Variants in SERPING1 observed in about 807,000 individuals in gnomAD.
SERPING1 encodes the protein serpin family G member 1, also known as plasma protease C1 inhibitor.
In SERPING1, 5 loss-of-function variants were observed where a neutral mutation model predicts 34.1. That is an observed-to-expected ratio of 0.15 (90% CI 0.08 to 0.31). The LOEUF (loss-of-function observed/expected upper bound fraction) is 0.31. SERPING1 is among the 10% of genes least tolerant of loss of function. The pLI is 1.00. For synonymous variants in SERPING1, 225 were observed against 242.4 expected (o/e 0.93, Z 0.67); for missense variants, 505 against 609.5 (o/e 0.83, Z 1.81).
At chr11:57,597,960 T>G in intron 1 of SERPING1, 1 of 446,138 alleles carries the variant, frequency 2.2e-6, no homozygotes, top group Non-Finnish European at 4.1e-6. Context: ...ATTGTTTGGT[T>G]AAAGCAGGAC....
chr11:57,600,635 G>A (rs530167090), intron 3 of SERPING1, among the ~76,000 whole-genome samples: 1 of 152,310 alleles, frequency 6.6e-6, no homozygotes, highest in South Asian at 2.1e-4. Context: ...CACTAACCAT[G>A]TTTCATGGCA....
Position 57,598,238 on chromosome 11 carries a change from T to A in SERPING1, c.-22-11T>A. 6.5e-7 allele frequency: 1 copy of A among 1,541,258 alleles called. No individual in the cohort carries two copies. The highest frequency in any genetic ancestry group is 8.8e-7 in the Non-Finnish European group (1 of 1,140,292). On this transcript the variant is annotated splice_polypyrimidine_tract_variant and intron_variant, in intron 1 of 7. Coordinates refer to ENST00000278407, the MANE Select transcript of SERPING1 (RefSeq NM_000062.3). ...GGTGGGAGCTGGCTCCGAGGCTGGCTGGCTCCGCAGGTCCGCTGACGTCGC... is the reference window on the plus strand; with the variant it reads ...GGTGGGAGCTGGCTCCGAGGCTGGCAGGCTCCGCAGGTCCGCTGACGTCGC...
Position 57,614,323 on chromosome 11 carries a change from C to T in SERPING1, c.1250-5C>T. The T allele has an allele frequency of 3.7e-6, 6 of 1,613,304 alleles. No individual in the cohort carries two copies. Among genetic ancestry groups the T allele is most frequent in the Non-Finnish European group, 5.1e-6 (6 of 1,180,018 alleles). Reference sequence around the variant, plus strand: ...TGACTCTGTTTTTCTCTGGTTTTGCCCTAGAATTCTTCGATTTTTCTTATG... The same window carrying T: ...TGACTCTGTTTTTCTCTGGTTTTGCTCTAGAATTCTTCGATTTTTCTTATG... On this transcript the variant is annotated splice_polypyrimidine_tract_variant and splice_region_variant and intron_variant, in intron 7 of 7. Coordinates refer to ENST00000278407, the MANE Select transcript of SERPING1 (RefSeq NM_000062.3).
intron 2 of SERPING1, among the ~76,000 whole-genome samples, chr11:57,598,826 G>A (rs1945316004): frequency 6.6e-6 from 1 of 152,136 alleles, no homozygotes. Context: ...CTGGGTGGGG[G>A]TCAATAGCAG....
rs76687969 is a variant in SERPING1, at chr11:57,609,582, A to G, written c.1030-2135A>G. 1.6e-4 allele frequency among the ~76,000 whole-genome samples: 23 copies of G among 148,198 alleles called. No individual in the cohort carries two copies. The East Asian group carries it at 3.0e-3, about 19-fold the overall frequency. On this transcript the variant is annotated intron_variant, in intron 6 of 7. Transcript: ENST00000278407. Reference sequence around the variant, plus strand: ...GCGACAGAGTGAGACCTTGTCTCAGAAAAAAAAAAATAGGGTGATTTTTAT... The same window carrying G: ...GCGACAGAGTGAGACCTTGTCTCAGGAAAAAAAAAATAGGGTGATTTTTAT...
At chr11:57,606,846 C>G (rs1279107283) in intron 6 of SERPING1, 1 of 619,034 alleles carries the variant, frequency 1.6e-6, no homozygotes, top group Non-Finnish European at 3.0e-6. Context: ...TTCCAGTCAA[C>G]TCATCAGAAG....
In SERPING1 at chr11:57,614,748, A is replaced by T; in HGVS notation, c.*167A>T. On this transcript the variant is annotated 3_prime_UTR_variant, in exon 8 of 8. Transcript: ENST00000278407. Reference sequence around the variant, plus strand: ...TCTGGGCAAGGGACCTGCTTCTATTAGCCCTTCTCCATGGCCCTGCCATGC... The same window carrying T: ...TCTGGGCAAGGGACCTGCTTCTATTTGCCCTTCTCCATGGCCCTGCCATGC... 1 of 740,058 alleles carries T rather than the reference A, an allele frequency of 1.4e-6. No individual in the cohort carries two copies. Among genetic ancestry groups the T allele is most frequent in the East Asian group, 2.7e-5 (1 of 36,928 alleles). The allele number at this position is 740,058 out of a possible 1,614,324, so 45.8% of individuals were successfully genotyped here.
At chr11:57,604,684 T>G (rs1479668758) in intron 4 of SERPING1, among the ~76,000 whole-genome samples, 1 of 152,146 alleles carries the variant, frequency 6.6e-6, no homozygotes, top group Non-Finnish European at 1.5e-5. Flanking sequence ...TTAAGCTGTT[T>G]TTTTTGTTTT....
At position 57,598,338 on chromosome 11, in the gene SERPING1, G is replaced by A; in HGVS notation, c.51+17G>A. The A allele has an allele frequency of 6.4e-7, 1 of 1,554,764 alleles. No homozygotes were observed. Among genetic ancestry groups the A allele is most frequent in the Non-Finnish European group, 8.7e-7 (1 of 1,152,414 alleles). On this transcript the variant is annotated intron_variant, in intron 2 of 7. Coordinates refer to ENST00000278407, the MANE Select transcript of SERPING1 (RefSeq NM_000062.3). Reference sequence around the variant, plus strand: ...CTGGCTGGGGTATGTGGTCCCTTGTGGGATGGGGGACGGGGGTGGAGACGG... The same window carrying A: ...CTGGCTGGGGTATGTGGTCCCTTGTAGGATGGGGGACGGGGGTGGAGACGG...
rs1342831518 is a variant in SERPING1 at position 57,614,453 on chromosome 11, G to A, written c.1375G>A (p.Ala459Thr). The A allele has an allele frequency of 1.9e-6, 3 of 1,614,102 alleles. No individual in the cohort carries two copies. In the South Asian group the frequency reaches 3.3e-5, roughly 18 times the overall value. The change falls in exon 8 of 8, where the codon GCC becomes ACC. Residue 459 changes from alanine to threonine, a missense_variant. By Grantham distance (58) the Ala-to-Thr change is moderately conservative (BLOSUM62 0). Transcript: ENST00000278407. ...AGAGACTGGGGTGGAGGCGGCTGCA[G>A]CCTCCGCCATCTCTGTGGCCCGCAC... Reference protein sequence around the residue: ...LTETGVEAAAASAISVARTLL... With the variant: ...LTETGVEAAATSAISVARTLL...
chr11:57,602,245 A>G, intron 4 of SERPING1, 76 bp downstream of exon 4: 1 of 1,553,068 alleles, frequency 6.4e-7, no homozygotes. Context: ...AGCGCTGGGG[A>G]AAGAAAGGAC....
At chr11:57,602,306 A>C (rs1193590961) in intron 4 of SERPING1, 137 bp downstream of exon 4, 2 of 984,178 alleles carry the variant, frequency 2.0e-6, no homozygotes, top group African/African-American at 3.2e-5. Context: ...GAGCAGGTGA[A>C]GACCTTGGCA....
Position 57,606,429 on chromosome 11 carries a change from A to T in SERPING1, c.911A>T (p.Asp304Val). ...YLSAKWKTTF[D>V]PKKTRMEPFH... ...CTAGCCAAGTGGAAGACAACATTTG[A>T]TCCCAAGAAAACCAGAATGGAACCC... The change falls in exon 6 of 8, where the codon GAT (aspartate) becomes GTT (valine). Residue 304 changes from aspartate (D) to valine (V), a missense_variant. Physicochemically the swap from Asp to Val is radical, Grantham distance 152. Transcript: ENST00000278407. 6.2e-7 allele frequency: 1 copy of T among 1,614,158 alleles called. No homozygotes were observed. The highest frequency in any genetic ancestry group is 8.5e-7 in the Non-Finnish European group (1 of 1,180,040).
Position 57,606,473 on chromosome 11 carries a change from G to A in SERPING1, c.955G>A (p.Val319Ile). ...RMEPFHFKNS[V>I]IKVPMMNSKK... ...GGAACCCTTTCACTTCAAAAACTCA[G>A]TTATAAAAGTGCCCATGATGAATAG... The change falls in exon 6 of 8, where the codon GTT (valine) becomes ATT (isoleucine). Residue 319 changes from valine to isoleucine, a missense_variant. By Grantham distance (29) the Val-to-Ile change is conservative. Coordinates refer to ENST00000278407, the MANE Select transcript of SERPING1 (RefSeq NM_000062.3). 6.2e-7 allele frequency: 1 copy of A among 1,614,168 alleles called. No individual in the cohort carries two copies. Among genetic ancestry groups the A allele is most frequent in the East Asian group, 2.2e-5 (1 of 44,886 alleles).
chr11:57,603,496 G>A (rs1451964665), intron 4 of SERPING1, among the ~76,000 whole-genome samples: 2 of 151,334 alleles, frequency 1.3e-5, no homozygotes, highest in Admixed American at 6.6e-5. Flanking sequence ...GCAGTGAGCC[G>A]AGATCGCGCC....
Position 57,598,264 on chromosome 11 carries a change from C to G in SERPING1, c.-7C>G. The stretch of plus-strand genomic sequence containing the variant: ...GGCTCCGCAGGTCCGCTGACGTCGC[C>G]GCCCAGATGGCCTCCAGGCTGACCC... On this transcript the variant is annotated 5_prime_UTR_variant, in exon 2 of 8. Coordinates refer to ENST00000278407, the MANE Select transcript of SERPING1 (RefSeq NM_000062.3). 1 of 1,550,760 alleles carries G rather than the reference C, an allele frequency of 6.4e-7. No homozygotes were observed. Among genetic ancestry groups the G allele is most frequent in the Non-Finnish European group, 8.7e-7 (1 of 1,146,348 alleles).
intron 4 of SERPING1, 125 bp downstream of exon 4, chr11:57,602,294 C>A: frequency 8.6e-7 from 1 of 1,159,680 alleles, no homozygotes; most frequent in Non-Finnish European, 1.3e-6. Flanking sequence ...GGATGGACTG[C>A]AGAGCAGGTG....
intron 3 of SERPING1, among the ~76,000 whole-genome samples, chr11:57,600,607 A>G (rs1459338211): frequency 1.3e-5 from 2 of 152,206 alleles, no homozygotes; most frequent in Admixed American, 6.5e-5. Flanking sequence ...ACAAGAACAT[A>G]TAAAATAAGG....
Position 57,599,899 on chromosome 11 carries a change from A to C in SERPING1, c.72A>C (p.Pro24=). ...CACAGGATAGAGCCTCCTCAAATCCAAATGCTACCAGCTCCAGCTCCCAGG... is the reference window on the plus strand; with the variant it reads ...CACAGGATAGAGCCTCCTCAAATCCCAATGCTACCAGCTCCAGCTCCCAGG... The part of the protein sequence containing the change: ...LLAGDRASSN[P]NATSSSSQDP... The change falls in exon 3 of 8, where the codon CCA becomes CCC. Residue 24 remains proline (P), a synonymous_variant. Coordinates refer to ENST00000278407, the MANE Select transcript of SERPING1 (RefSeq NM_000062.3). The C allele has an allele frequency of 6.2e-7, 1 of 1,614,210 alleles. No homozygotes were observed. Among genetic ancestry groups the C allele is most frequent in the Non-Finnish European group, 8.5e-7 (1 of 1,180,048 alleles).
Sources: allele counts gnomAD v4.1 joint callset (sites outside exome capture counted in the v4.1 genomes callset), GRCh38; gene constraint gnomAD v4.1.1; transcripts MANE v1.5; gene names NCBI Gene and HGNC (gene_info 2026-07-23, HGNC 2026-07-21).